C11orf97: variants seen among roughly 807,000 people sequenced by gnomAD.
C11orf97 encodes the protein chromosome 11 open reading frame 97.
A neutral mutation model predicts 16.2 loss-of-function variants in C11orf97; 15 were observed. That is an observed-to-expected ratio of 0.93 (90% CI 0.62 to 1.43). The LOEUF (loss-of-function observed/expected upper bound fraction) is 1.43, where lower values mean the gene tolerates loss of function less well. Among genes scored for constraint, C11orf97 ranks in the 40% most tolerant of loss-of-function variants. C11orf97 has a pLI of 0.00. For synonymous variants in C11orf97, 61 were observed against 65.7 expected, an observed-to-expected ratio of 0.93 and a Z score of 0.34; for missense variants, 171 against 161.2, an observed-to-expected ratio of 1.06 and a Z score of -0.33.
chr11:94,523,556 C>A (rs991663190), intron 2 of C11orf97, among the ~76,000 whole-genome samples: 9 of 152,060 alleles, frequency 5.9e-5, no homozygotes, highest in Non-Finnish European at 1.3e-4. Flanking sequence ...AATTATAGCA[C>A]GTTTTATTTT....
intron 3 of C11orf97, among the ~76,000 whole-genome samples, chr11:94,531,117 C>T (rs1297156282): frequency 6.6e-6 from 1 of 152,146 alleles, no homozygotes; most frequent in African/African-American, 2.4e-5. Context: ...AAGCATGTTT[C>T]CATTAGAGAC....
chr11:94,525,668 A>G (rs1947695454), intron 2 of C11orf97, among the ~76,000 whole-genome samples: 1 of 152,252 alleles, frequency 6.6e-6, no homozygotes, highest in Admixed American at 6.5e-5. Flanking sequence ...GTCACCAGAC[A>G]TAAATTAAAA....
intron 1 of C11orf97, among the ~76,000 whole-genome samples, chr11:94,516,070 G>A (rs1947609586): frequency 6.6e-6 from 1 of 152,032 alleles, no homozygotes; most frequent in South Asian, 2.1e-4. Context: ...CCAACTTTGG[G>A]GAAACAAGAA....
At chr11:94,531,430 CTG>C (rs1947737510) in intron 3 of C11orf97, among the ~76,000 whole-genome samples, 1 of 120,606 alleles carries the variant, frequency 8.3e-6, no homozygotes, top group Non-Finnish European at 1.7e-5. Flanking sequence ...CAGAGCAAGA[CTG>C]TGTTTCAAAC....
Position 94,531,998 on chromosome 11 carries a change from A to C in C11orf97, c.*98A>C. The C allele has an allele frequency of 4.1e-6, 4 of 981,094 alleles. No homozygotes were observed. The East Asian group carries it at 8.7e-5, about 21-fold the overall frequency. 60.8% of individuals were successfully genotyped at this position (981,094 alleles called of 1,614,324 possible). On this transcript the variant is annotated 3_prime_UTR_variant, in exon 4 of 4. Coordinates refer to ENST00000542198, the MANE Select transcript of C11orf97 (RefSeq NM_001190462.2). Reference sequence around the variant, plus strand: ...TTGTTTCAGGATTTAAGATGTGTGCAAAAAAATGATAGCCTGTAATTACTA... The same window carrying C: ...TTGTTTCAGGATTTAAGATGTGTGCCAAAAAATGATAGCCTGTAATTACTA...
intron 1 of C11orf97, 50 bp from the exon 2 acceptor site, chr11:94,517,533 G>A (rs1369178399): frequency 9.1e-7 from 1 of 1,101,924 alleles, no homozygotes; most frequent in Non-Finnish European, 1.3e-6. Flanking sequence ...ATGGCTAGAA[G>A]ATTGGGCAGT....
In C11orf97 at chr11:94,531,951, A is replaced by AGAAC; in HGVS notation, c.*53_*56dup. The AGAAC allele has an allele frequency of 7.2e-7, 1 of 1,391,274 alleles. No homozygotes were observed. The highest frequency in any genetic ancestry group is 1.5e-5 in the African/African-American group (1 of 67,470). The allele number at this position is 1,391,274 out of a possible 1,614,324, so 86.2% of individuals were successfully genotyped here. A position where few individuals can be genotyped will look rare whatever the true frequency, so the allele number is the denominator to read the frequency against. On this transcript the variant is annotated 3_prime_UTR_variant, in exon 4 of 4. Transcript: ENST00000542198. Reference sequence around the variant, plus strand: ...GGAACCTCTTTCTGCTGATGTCTGAAGAACGGAGAAGAAACTCAAGCTTGT... The same window carrying AGAAC: ...GGAACCTCTTTCTGCTGATGTCTGAAGAACGAACGGAGAAGAAACTCAAGCTTGT...
chr11:94,527,394 A>G (rs1947708431), intron 2 of C11orf97, among the ~76,000 whole-genome samples: 1 of 152,256 alleles, frequency 6.6e-6, no homozygotes, highest in Admixed American at 6.5e-5. Context: ...CACAGTAGAC[A>G]TTCACCACAT....
chr11:94,531,874 T>TC, intron 3 of C11orf97, 22 bp from the exon 4 acceptor site: 1 of 1,418,326 alleles, frequency 7.1e-7, no homozygotes, highest in South Asian at 1.4e-5. Flanking sequence ...ACTTATTTTT[T>TC]CACTTTTTTT....
intron 1 of C11orf97, among the ~76,000 whole-genome samples, chr11:94,516,772 G>C (rs1010449428): frequency 6.6e-6 from 1 of 152,204 alleles, no homozygotes; most frequent in Non-Finnish European, 1.5e-5. Flanking sequence ...TAAAATTTGA[G>C]TAGAAGTTAT....
At chr11:94,531,831 G>A (rs989428592) in intron 3 of C11orf97, 65 bp from the exon 4 acceptor site, 41 of 1,252,652 alleles carry the variant, frequency 3.3e-5, no homozygotes, top group African/African-American at 4.7e-5. Context: ...ATTAAAATGG[G>A]TGAGATTAAA....
intron 2 of C11orf97, among the ~76,000 whole-genome samples, chr11:94,524,018 C>G (rs1408040342): frequency 6.6e-6 from 1 of 152,082 alleles, no homozygotes; most frequent in East Asian, 1.9e-4. Flanking sequence ...TGTGTTGATA[C>G]ATGGGCTGAG....
rs1359186628 is a variant in C11orf97 at position 94,512,565 on chromosome 11, G to A, written c.37G>A (p.Val13Met). The change falls in exon 1 of 4, where the codon GTG (valine) becomes ATG (methionine). Residue 13 changes from valine (V) to methionine (M), a missense_variant. By Grantham distance (21) the Val-to-Met change is conservative (BLOSUM62 1). Transcript: ENST00000542198. Reference sequence around the variant, plus strand: ...GGAGGCGGTGGTGGTGACCGCAGTGGTGGCGCCCAAGGCGGGTCGCGAAGA... The same window carrying A: ...GGAGGCGGTGGTGGTGACCGCAGTGATGGCGCCCAAGGCGGGTCGCGAAGA... ...GEEAVVVTAVVAPKAGREEEQ... is the reference protein window; with the variant it reads ...GEEAVVVTAVMAPKAGREEEQ... 7.6e-7 allele frequency: 1 copy of A among 1,310,078 alleles called. No homozygotes were observed. The highest frequency in any genetic ancestry group is 9.7e-7 in the Non-Finnish European group (1 of 1,028,816). The allele number at this position is 1,310,078 out of a possible 1,614,324, so 81.2% of individuals were successfully genotyped here.
rs1274082482 is a variant in C11orf97 at position 94,517,702 on chromosome 11, A to C, written c.250+15A>C. On this transcript the variant is annotated intron_variant, in intron 2 of 3. Coordinates refer to ENST00000542198, the MANE Select transcript of C11orf97 (RefSeq NM_001190462.2). ...TCCAGCTGCAGGTAATCTCAGTGAC[A>C]AATGAAGTATGTTTGTGAAATGAAT... 3 of 1,463,186 alleles carry C rather than the reference A, an allele frequency of 2.1e-6. No homozygotes were observed. The highest frequency in any genetic ancestry group is 2.7e-6 in the Non-Finnish European group (3 of 1,092,658). 90.6% of individuals were successfully genotyped at this position (1,463,186 alleles called of 1,614,324 possible). A position where few individuals can be genotyped will look rare whatever the true frequency, so the allele number is the denominator to read the frequency against.
At chr11:94,529,175 C>G (rs1947720211) in intron 3 of C11orf97, among the ~76,000 whole-genome samples, 1 of 152,120 alleles carries the variant, frequency 6.6e-6, no homozygotes, top group African/African-American at 2.4e-5. Context: ...TGCTTTCAAC[C>G]ACTAGACACT....
At chr11:94,521,103 G>C (rs373486034) in intron 2 of C11orf97, among the ~76,000 whole-genome samples, 2 of 152,090 alleles carry the variant, frequency 1.3e-5, no homozygotes, top group South Asian at 2.1e-4. Flanking sequence ...CTTCATTCAG[G>C]CTTCAACTGC....
chr11:94,529,940 C>T (rs1947725950), intron 3 of C11orf97, among the ~76,000 whole-genome samples: 1 of 152,162 alleles, frequency 6.6e-6, no homozygotes. Context: ...TCTTAGGTTC[C>T]ACTTATTGTA....
intron 2 of C11orf97, among the ~76,000 whole-genome samples, chr11:94,517,984 C>T (rs533251044): frequency 8.6e-5 from 13 of 151,864 alleles, no homozygotes; most frequent in Non-Finnish European, 1.2e-4. Flanking sequence ...CCCGTCTCTA[C>T]TAAAAACACA....
chr11:94,526,488 T>C (rs1368446856), intron 2 of C11orf97, among the ~76,000 whole-genome samples: 1 of 152,190 alleles, frequency 6.6e-6, no homozygotes, highest in Non-Finnish European at 1.5e-5. Context: ...TCCATCTAAT[T>C]TGATGTGATT....
Sources: allele counts gnomAD v4.1 joint callset (sites outside exome capture counted in the v4.1 genomes callset), GRCh38; gene constraint gnomAD v4.1.1; transcripts MANE v1.5; gene names NCBI Gene and HGNC (gene_info 2026-07-23, HGNC 2026-07-21).